PARD3B: variants seen among roughly 807,000 people sequenced by gnomAD.
PARD3B encodes par-3 family cell polarity regulator beta, also known as partitioning defective 3 homolog B.
Under a neutral mutation model 130.2 loss-of-function variants are expected in PARD3B, and 103 were observed. The observed-to-expected ratio is 0.79, with a 90% confidence interval of 0.67 to 0.93. The LOEUF (loss-of-function observed/expected upper bound fraction) is 0.93, where lower values mean the gene tolerates loss of function less well. Among genes scored for constraint, PARD3B ranks in the 40% least tolerant of loss-of-function variants. The pLI, the probability that PARD3B is intolerant of heterozygous loss-of-function variation, is 0.00. For missense variants in PARD3B, 1,609 were observed against 1,499.2 expected (o/e 1.07, Z -1.21); for synonymous variants, 583 against 553.2 (o/e 1.05, Z -0.76).
intron 21 of PARD3B, among the ~76,000 whole-genome samples, chr2:205,531,450 T>A (rs2051589360): frequency 1.3e-5 from 2 of 152,214 alleles, no homozygotes; most frequent in South Asian, 4.1e-4. Context: ...TATTCTCATC[T>A]GTATTTTTCA....
chr2:204,782,076 C>A (rs2041852197), intron 2 of PARD3B, among the ~76,000 whole-genome samples: 2 of 152,076 alleles, frequency 1.3e-5, no homozygotes, highest in African/African-American at 4.8e-5. Context: ...ACAAAAGTCA[C>A]AAATTCTGTG....
intron 22 of PARD3B, among the ~76,000 whole-genome samples, chr2:205,567,495 T>TTTTTG (rs1559224750): frequency 7.0e-6 from 1 of 141,870 alleles, no homozygotes; most frequent in Non-Finnish European, 1.6e-5. Context: ...TTTTTTTTTT[T>TTTTTG]GTATTTTTAG....
chr2:204,845,791 C>T (rs7605954), intron 2 of PARD3B, among the ~76,000 whole-genome samples: 1 of 151,962 alleles, frequency 6.6e-6, no homozygotes. Flanking sequence ...TTGAATGGCT[C>T]ACTACTTAAA....
chr2:205,193,464 A>G, intron 15 of PARD3B, 144 bp downstream of exon 15: 1 of 616,814 alleles, frequency 1.6e-6, no homozygotes, highest in Non-Finnish European at 2.9e-6. Context: ...TGGCCATCCC[A>G]CCTTCCTATC....
chr2:205,170,548 G>A (rs2035103085), intron 11 of PARD3B, among the ~76,000 whole-genome samples: 1 of 152,108 alleles, frequency 6.6e-6, no homozygotes, highest in African/African-American at 2.4e-5. Flanking sequence ...ATCCCACGTG[G>A]CTAACACCCT....
chr2:204,610,438 C>T lies in PARD3B; in HGVS notation c.120+64319C>T, dbSNP rs559582493. On this transcript the variant is annotated intron_variant, in intron 1 of 22. Transcript: ENST00000406610. This position sits in a 1 kb window ranked among gnomAD's most constrained non-coding sequence, Gnocchi z 4.1. ...TGGCACGGTCTTGGCTTACTGCAAC[C>T]TCGACCTCCCATGTTAAAGCGATTC... Among the ~76,000 whole-genome samples, 11 of 152,304 alleles carry T rather than the reference C, an allele frequency of 7.2e-5. No homozygotes were observed. The South Asian group carries it at 2.3e-3, about 32-fold the overall frequency.
At chr2:204,702,555 G>A (rs758086802) in intron 2 of PARD3B, among the ~76,000 whole-genome samples, 18 of 151,856 alleles carry the variant, frequency 1.2e-4, no homozygotes, top group African/African-American at 1.7e-4. Context: ...AAAAGTGTTC[G>A]TGTCTTTTGC....
chr2:205,502,220 G>T (rs2050183384), intron 21 of PARD3B, among the ~76,000 whole-genome samples: 1 of 152,132 alleles, frequency 6.6e-6, no homozygotes. Flanking sequence ...TGCCACTTTT[G>T]GAGAGATCTA....
At chr2:205,400,951 T>G in intron 18 of PARD3B, 62 bp from the exon 19 acceptor site, 1 of 1,242,150 alleles carries the variant, frequency 8.1e-7, no homozygotes, top group Non-Finnish European at 1.2e-6. Flanking sequence ...CATAAATATC[T>G]TAGCTCTACC....
intron 1 of PARD3B, among the ~76,000 whole-genome samples, chr2:204,654,805 T>C (rs75413743): frequency 0.013 from 2,023 of 152,272 alleles, 43 homozygotes; most frequent in African/African-American, 0.045. Flanking sequence ...ATTTTTTGTT[T>C]ATTTCTGGGC....
chr2:204,740,603 A>T (rs2125361849), intron 2 of PARD3B, among the ~76,000 whole-genome samples: 1 of 152,316 alleles, frequency 6.6e-6, no homozygotes, highest in South Asian at 2.1e-4. Context: ...GACTCAAAAG[A>T]TTGAAATCTA....
At position 205,148,616 on chromosome 2, in the gene PARD3B, A is replaced by T. The variant is rs1234488575; in HGVS notation, c.1435-10106A>T. ...GCTGTAACAAAAGTTTTGTCACCTT[A>T]AATTTCTTAGAATTTACTTAGGCAA... On this transcript the variant is annotated intron_variant, in intron 10 of 22. Coordinates refer to ENST00000406610, the MANE Select transcript of PARD3B (RefSeq NM_001302769.2). Among the ~76,000 whole-genome samples the T allele has an allele frequency of 3.9e-5, 6 of 152,326 alleles. No homozygotes were observed. In the South Asian group the frequency reaches 1.2e-3, roughly 32 times the overall value.
intron 15 of PARD3B, among the ~76,000 whole-genome samples, chr2:205,220,812 C>A (rs2125870750): frequency 6.6e-6 from 1 of 152,256 alleles, no homozygotes; most frequent in South Asian, 2.1e-4. Context: ...AATAGCACCA[C>A]AGTATGGAAA....
At chr2:204,923,726 A>G (rs2047770742) in intron 2 of PARD3B, among the ~76,000 whole-genome samples, 1 of 152,098 alleles carries the variant, frequency 6.6e-6, no homozygotes, top group East Asian at 1.9e-4. Context: ...TCACTAAACA[A>G]TATGACACCA....
chr2:205,121,551 C>T lies in PARD3B; in HGVS notation c.807-40C>T, dbSNP rs1384281829. The T allele has an allele frequency of 6.4e-7, 1 of 1,569,876 alleles. No homozygotes were observed. The highest frequency in any genetic ancestry group is 8.7e-7 in the Non-Finnish European group (1 of 1,146,862). On this transcript the variant is annotated intron_variant, in intron 7 of 22. Coordinates refer to ENST00000406610, the MANE Select transcript of PARD3B (RefSeq NM_001302769.2). The surrounding 1 kb of genome is among the most constrained non-coding windows in gnomAD (Gnocchi z 5.0). ...GGGTACTTTAGAAGATGCTGCACCT[C>T]AAAGCAGGGTCATCATACATTTATC... is the stretch of plus-strand genomic sequence containing the variant.
Position 205,343,769 on chromosome 2 carries a change from C to A in PARD3B, c.2630+42068C>A, listed in dbSNP as rs575681108. On this transcript the variant is annotated intron_variant, in intron 18 of 22. Transcript: ENST00000406610. ...TCTTTTCAGTCCCTCTGCCCCCTGC[C>A]TTCCTTACCACCACCCCCCACCCAC... is the stretch of plus-strand genomic sequence containing the variant. 1.3e-3 allele frequency among the ~76,000 whole-genome samples: 191 copies of A among 152,102 alleles called. 1 individual carries two copies. Among genetic ancestry groups the A allele is most frequent in the Middle Eastern group, 6.8e-3 (2 of 294 alleles).
At chr2:205,367,078 G>A (rs2044636647) in intron 18 of PARD3B, among the ~76,000 whole-genome samples, 1 of 152,214 alleles carries the variant, frequency 6.6e-6, no homozygotes, top group Non-Finnish European at 1.5e-5. Flanking sequence ...AATTTCTACT[G>A]ATACCTTCAA....
At chr2:205,219,549 A>G (rs931049954) in intron 15 of PARD3B, among the ~76,000 whole-genome samples, 6 of 152,184 alleles carry the variant, frequency 3.9e-5, no homozygotes, top group African/African-American at 9.7e-5. Context: ...ATGTACTTCA[A>G]TTCGTGCCAG....
At chr2:205,365,761 C>T (rs1428291549) in intron 18 of PARD3B, among the ~76,000 whole-genome samples, 1 of 152,114 alleles carries the variant, frequency 6.6e-6, no homozygotes, top group African/African-American at 2.4e-5. Context: ...GGACTCAAGT[C>T]ATTTCTTACT....
Sources: allele counts gnomAD v4.1 joint callset (sites outside exome capture counted in the v4.1 genomes callset), GRCh38; gene constraint gnomAD v4.1.1; non-coding constraint Gnocchi (gnomAD v3.1); transcripts MANE v1.5; gene names NCBI Gene and HGNC (gene_info 2026-07-23, HGNC 2026-07-21).